The following NTPCR variants were observed in gnomAD, a reference collection of about 807,000 sequenced individuals.
NTPCR encodes cancer-related nucleoside-triphosphatase.
Under a neutral mutation model 19.5 loss-of-function variants are expected in NTPCR, and 15 were observed. The ratio of observed to expected loss-of-function variants is 0.77; its 90% confidence interval spans 0.51 to 1.18. The LOEUF is 1.18. Among genes scored for constraint, NTPCR ranks in the 50% most tolerant of loss-of-function variants. The probability of loss-of-function intolerance (pLI) is 0.00; values close to 1 mark genes in which losing one functional copy is unlikely to be tolerated. For synonymous variants in NTPCR, 90 were observed against 95.8 expected, an observed-to-expected ratio of 0.94 and a Z score of 0.36; for missense variants, 206 against 240.4, an observed-to-expected ratio of 0.86 and a Z score of 0.95.
intron 4 of NTPCR, among the ~76,000 whole-genome samples, chr1:232,975,659 C>CTG (rs1314143682): frequency 6.6e-6 from 1 of 152,222 alleles, no homozygotes; most frequent in Non-Finnish European, 1.5e-5. Context: ...CTTATCTTCA[C>CTG]TGTGCCCAGG....
At chr1:232,951,448 A>T (rs1443067292) in intron 1 of NTPCR, among the ~76,000 whole-genome samples, 15 of 152,218 alleles carry the variant, frequency 9.9e-5, no homozygotes, top group Non-Finnish European at 7.3e-5. Context: ...CGTTGAGGTC[A>T]GATGAGAGGT....
chr1:232,964,700 A>G (rs1668765405), intron 3 of NTPCR: 1 of 152,150 alleles, frequency 6.6e-6, no homozygotes, highest in South Asian at 2.1e-4. Flanking sequence ...TTTCCACTCT[A>G]AGCTGTGCTT....
chr1:232,958,462 T>C (rs1668574462), intron 3 of NTPCR, among the ~76,000 whole-genome samples: 1 of 152,254 alleles, frequency 6.6e-6, no homozygotes. Flanking sequence ...TAGTGGTGGT[T>C]GCCCAAAGGC....
chr1:232,959,816 G>A (rs1668617531), intron 3 of NTPCR, among the ~76,000 whole-genome samples: 1 of 152,134 alleles, frequency 6.6e-6, no homozygotes, highest in East Asian at 1.9e-4. Flanking sequence ...AGGGTTGTAT[G>A]TATGTGTGTG....
chr1:232,981,239 T>G lies in NTPCR; in HGVS notation c.*3008T>G, dbSNP rs1427023790. The G allele has an allele frequency of 6.6e-6, 1 of 152,226 alleles. No homozygotes were observed. Among genetic ancestry groups the G allele is most frequent in the Non-Finnish European group, 1.5e-5 (1 of 68,042 alleles). 9.4% of individuals were successfully genotyped at this position (152,226 alleles called of 1,614,324 possible). ...TTTAAATGGATAGTGTCATCTCTGA[T>G]GATCAGCCTTGACAGGGAGAGATCC... On this transcript the variant is annotated 3_prime_UTR_variant, in exon 5 of 5. Transcript: ENST00000366628.
chr1:232,975,643 C>G (rs1669105131), intron 4 of NTPCR, among the ~76,000 whole-genome samples: 1 of 152,172 alleles, frequency 6.6e-6, no homozygotes, highest in Non-Finnish European at 1.5e-5. Context: ...CCATGGTGCT[C>G]ACAGTCTTAT....
chr1:232,962,388 G>A (rs529763171), intron 3 of NTPCR: 1 of 152,064 alleles, frequency 6.6e-6, no homozygotes, highest in Non-Finnish European at 1.5e-5. Context: ...ATTTTTATTG[G>A]TGAGGTTATT....
chr1:232,972,847 C>T (rs1291358540), intron 4 of NTPCR, among the ~76,000 whole-genome samples: 1 of 152,194 alleles, frequency 6.6e-6, no homozygotes, highest in African/African-American at 2.4e-5. Flanking sequence ...CCTTCACATT[C>T]AGTACTTAGT....
intron 4 of NTPCR, among the ~76,000 whole-genome samples, chr1:232,974,166 T>C (rs1452063703): frequency 6.6e-6 from 1 of 152,212 alleles, no homozygotes; most frequent in Admixed American, 6.5e-5. Flanking sequence ...GCACCTTACC[T>C]ATAGGGTAAA....
intron 3 of NTPCR, among the ~76,000 whole-genome samples, chr1:232,960,083 C>T (rs973055349): frequency 1.7e-4 from 26 of 151,720 alleles, no homozygotes; most frequent in Admixed American, 1.6e-3. Context: ...GGTATGGTGG[C>T]ACATGCCCGT....
intron 4 of NTPCR, chr1:232,976,580 C>T: frequency 1.4e-6 from 2 of 1,464,936 alleles, no homozygotes; most frequent in East Asian, 5.0e-5. Context: ...CATCAAAAAG[C>T]CTTATAGGCT....
In NTPCR at chr1:232,960,246, G is replaced by A. The variant is rs1411551520; in HGVS notation, c.294+3803G>A. On this transcript the variant is annotated intron_variant, in intron 3 of 4. Coordinates refer to ENST00000366628, the MANE Select transcript of NTPCR (RefSeq NM_032324.3). ...AAAAAAAAAAAAAAAAAAGTGGCCGGGAGCTGAAGAGCAGCTCCAGGAGAG... is the reference window on the plus strand; with the variant it reads ...AAAAAAAAAAAAAAAAAAGTGGCCGAGAGCTGAAGAGCAGCTCCAGGAGAG... Among the ~76,000 whole-genome samples the A allele has an allele frequency of 5.4e-5, 8 of 148,882 alleles. 1 individual carries two copies. In the South Asian group the frequency reaches 1.7e-3, roughly 32 times the overall value.
chr1:232,950,819 G>C lies in NTPCR; in HGVS notation c.34+75G>C. The C allele has an allele frequency of 9.3e-6, 9 of 965,372 alleles. No homozygotes were observed. The South Asian group carries it at 1.5e-4, about 16-fold the overall frequency. The allele number at this position is 965,372 out of a possible 1,614,324, so 59.8% of individuals were successfully genotyped here. A position where few individuals can be genotyped will look rare whatever the true frequency, so the allele number is the denominator to read the frequency against. On this transcript the variant is annotated intron_variant, in intron 1 of 4. Coordinates refer to ENST00000366628, the MANE Select transcript of NTPCR (RefSeq NM_032324.3). ...CGCGGGCTGCGGGCGACCTTGTGCT[G>C]TCGGGGAGGGTCTCCGGCTCCAGGG...
chr1:232,953,148 G>A (rs1310259673), intron 1 of NTPCR, among the ~76,000 whole-genome samples: 2 of 152,172 alleles, frequency 1.3e-5, no homozygotes, highest in African/African-American at 4.8e-5. Flanking sequence ...TCATGCTGGT[G>A]TCCTTCCCTT....
chr1:232,957,192 T>C (rs1331812063), intron 3 of NTPCR, among the ~76,000 whole-genome samples: 1 of 152,254 alleles, frequency 6.6e-6, no homozygotes, highest in Admixed American at 6.5e-5. Flanking sequence ...AGTTTTGGTA[T>C]CAGGTTAATA....
At chr1:232,967,743 C>T (rs750752650) in intron 3 of NTPCR, 13 of 152,132 alleles carry the variant, frequency 8.5e-5, no homozygotes, top group Non-Finnish European at 1.2e-4. Context: ...CCTTCCAAAA[C>T]TCATTTTGAG....
Position 232,976,864 on chromosome 1 carries a change from C to A in NTPCR, c.505-1299C>A, listed in dbSNP as rs1031888909. 3 of 206,400 alleles carry A rather than the reference C, an allele frequency of 1.5e-5. No individual in the cohort carries two copies. The Admixed American group carries it at 1.6e-4, about 11-fold the overall frequency. The allele number at this position is 206,400 out of a possible 1,614,324, so 12.8% of individuals were successfully genotyped here. On this transcript the variant is annotated intron_variant, in intron 4 of 4. Coordinates refer to ENST00000366628, the MANE Select transcript of NTPCR (RefSeq NM_032324.3). ...CCTCTTGGGGTGCAGATCTCAGTCA[C>A]TCCTCTTGGGGTACAGATCTCAGAG... is the stretch of plus-strand genomic sequence containing the variant.
At chr1:232,955,927 C>T (rs184938279) in intron 2 of NTPCR, among the ~76,000 whole-genome samples, 9 of 152,214 alleles carry the variant, frequency 5.9e-5, no homozygotes, top group Admixed American at 3.3e-4. Flanking sequence ...GAATCTTAGG[C>T]CTTTAGGGAT....
rs1344673345 is a variant in NTPCR, at chr1:232,981,674, T to G, written c.*3443T>G. The G allele has an allele frequency of 6.6e-6, 1 of 152,138 alleles. No individual in the cohort carries two copies. Among genetic ancestry groups the G allele is most frequent in the South Asian group, 2.1e-4 (1 of 4,814 alleles). 9.4% of individuals were successfully genotyped at this position (152,138 alleles called of 1,614,324 possible). A position where few individuals can be genotyped will look rare whatever the true frequency, so the allele number is the denominator to read the frequency against. On this transcript the variant is annotated 3_prime_UTR_variant, in exon 5 of 5. Transcript: ENST00000366628. ...ACCAAGTGCTATGGTTTTAATATTA[T>G]CTTTAGAGGAGAAACCATTTTGATC...
Sources: gnomAD v4.1 joint callset for allele counts (sites outside exome capture counted in the v4.1 genomes callset) on GRCh38, gnomAD v4.1.1 for gene constraint, MANE v1.5 for transcripts, NCBI Gene and HGNC (gene_info 2026-07-23, HGNC 2026-07-21) for gene names.